The following ERG variants were observed in gnomAD, a reference collection of about 807,000 sequenced individuals.
ERG encodes transcriptional regulator ERG.
ERG carries 9 observed loss-of-function variants against 55.3 expected under a neutral mutation model. The ratio of observed to expected loss-of-function variants is 0.16; its 90% CI spans 0.10 to 0.28. The LOEUF (loss-of-function observed/expected upper bound fraction) is 0.28, where lower values mean the gene tolerates loss of function less well. ERG is among the 10% of genes least tolerant of loss of function. The probability of loss-of-function intolerance (pLI) is 1.00; values close to 1 mark genes in which losing one functional copy is unlikely to be tolerated. For synonymous variants in ERG, 223 were observed against 237.3 expected, an observed-to-expected ratio of 0.94 and a Z score of 0.55; for missense variants, 434 against 631.6, an observed-to-expected ratio of 0.69 and a Z score of 3.35.
At chr21:38,386,954 G>A (rs541510910) in intron 9 of ERG, among the ~76,000 whole-genome samples, 9 of 152,306 alleles carry the variant, frequency 5.9e-5, no homozygotes, top group Non-Finnish European at 8.8e-5. Flanking sequence ...GGGAGCGGCT[G>A]TGGCTTTTAA....
At chr21:38,596,035 A>C (rs1427270314) in intron 1 of ERG, among the ~76,000 whole-genome samples, 13 of 127,550 alleles carry the variant, frequency 1.0e-4, no homozygotes, top group Non-Finnish European at 1.5e-4. Flanking sequence ...GATCCTCTCT[A>C]TATAAAAATT....
chr21:38,403,806 TTCCACAAGCACA>T, intron 3 of ERG, 97 bp from the exon 4 acceptor site: 1 of 1,192,868 alleles, frequency 8.4e-7, no homozygotes, highest in South Asian at 1.3e-5. Context: ...ACCAGCTGCC[TTCCACAAGCACA>T]GCCTCCAGCC....
chr21:38,642,692 G>C (rs2060432680), intron 1 of ERG, among the ~76,000 whole-genome samples: 1 of 152,196 alleles, frequency 6.6e-6, no homozygotes, highest in Non-Finnish European at 1.5e-5. Context: ...CAAGGGATGA[G>C]GGGGACAAAG....
chr21:38,392,287 G>A, intron 7 of ERG, 89 bp downstream of exon 7: 1 of 1,162,270 alleles, frequency 8.6e-7, no homozygotes, highest in Non-Finnish European at 1.3e-6. Flanking sequence ...CAAAATCACA[G>A]ATTAACCACA....
chr21:38,487,343 T>C (rs999873891), intron 1 of ERG, among the ~76,000 whole-genome samples: 1 of 152,212 alleles, frequency 6.6e-6, no homozygotes, highest in African/African-American at 2.4e-5. Context: ...TTTTCTAAAC[T>C]CCTATAATAA....
chr21:38,416,116 C>T (rs1475187262), intron 3 of ERG, among the ~76,000 whole-genome samples: 1 of 152,214 alleles, frequency 6.6e-6, no homozygotes, highest in Admixed American at 6.5e-5. Flanking sequence ...ATGCAGTCCT[C>T]TAACACTCTG....
rs925306304 is a variant in ERG, at chr21:38,382,307, G to A, written c.*1096C>T. 2 of 1,055,372 alleles carry A rather than the reference G, an allele frequency of 1.9e-6. No homozygotes were observed. The highest frequency in any genetic ancestry group is 1.1e-4 in the Admixed American group (2 of 18,348). 65.4% of individuals were successfully genotyped at this position (1,055,372 alleles called of 1,614,324 possible). A position where few individuals can be genotyped will look rare whatever the true frequency, so the allele number is the denominator to read the frequency against. On this transcript the variant is annotated 3_prime_UTR_variant, in exon 10 of 10. Transcript: ENST00000288319. The stretch of plus-strand genomic sequence containing the variant: ...GTTCGCGACTCAAAGGAAAACTGGA[G>A]GCCGCCTACCCAAAATGCCTGCGTG...
intron 2 of ERG, among the ~76,000 whole-genome samples, chr21:38,565,045 A>T (rs1416615381): frequency 1.3e-5 from 2 of 152,206 alleles, no homozygotes; most frequent in East Asian, 3.9e-4. Context: ...CCTCTTGCAG[A>T]TGTCCCTTTT....
At chr21:38,506,701 T>C (rs1191837202) in intron 2 of ERG, among the ~76,000 whole-genome samples, 5 of 152,156 alleles carry the variant, frequency 3.3e-5, no homozygotes, top group African/African-American at 1.2e-4. Context: ...TATTTCCTTT[T>C]CTCGCCGCTT....
chr21:38,477,007 CTTTTTTTTT>C (rs397867221), intron 1 of ERG, among the ~76,000 whole-genome samples: 1 of 84,156 alleles, frequency 1.2e-5, no homozygotes, highest in African/African-American at 4.7e-5. Flanking sequence ...TCTTTCTTTC[CTTTTTTTTT>C]TTTTTTTTTT....
chr21:38,374,729 A>T, the ERG span, among the ~76,000 whole-genome samples: 1 of 152,262 alleles, frequency 6.6e-6, no homozygotes, highest in East Asian at 1.9e-4. Context: ...CTTTTCAGAC[A>T]TGGTCCACAG....
chr21:38,643,418 G>A (rs1479907538), intron 1 of ERG, among the ~76,000 whole-genome samples: 2 of 152,134 alleles, frequency 1.3e-5, no homozygotes, highest in Admixed American at 6.5e-5. Context: ...ACACAGGCCC[G>A]AGGCTGCAGG....
intron 1 of ERG, among the ~76,000 whole-genome samples, chr21:38,489,318 C>A (rs2059315223): frequency 6.6e-6 from 1 of 152,176 alleles, no homozygotes. Flanking sequence ...AACAGTGAGT[C>A]CATGAAAACA....
intron 1 of ERG, among the ~76,000 whole-genome samples, chr21:38,601,335 A>G (rs2060163279): frequency 6.6e-6 from 1 of 152,216 alleles, no homozygotes; most frequent in Admixed American, 6.5e-5. Flanking sequence ...AACCTAAAGA[A>G]AAGGCAGATC....
intron 1 of ERG, chr21:38,450,764 G>C (rs1431003597): frequency 8.0e-6 from 3 of 376,834 alleles, no homozygotes; most frequent in Non-Finnish European, 1.6e-5. Flanking sequence ...AAAATGAAAG[G>C]CTTATCCTAG....
chr21:38,462,770 C>G (rs1280217565), intron 1 of ERG, among the ~76,000 whole-genome samples: 2 of 152,188 alleles, frequency 1.3e-5, no homozygotes, highest in Non-Finnish European at 2.9e-5. Context: ...TAACACTGCA[C>G]ACAGTCTACT....
intron 2 of ERG, among the ~76,000 whole-genome samples, chr21:38,545,569 C>T (rs2059782859): frequency 6.6e-6 from 1 of 152,182 alleles, no homozygotes; most frequent in African/African-American, 2.4e-5. Flanking sequence ...TAATCCAAAA[C>T]ATCTCTTGAC....
intron 2 of ERG, among the ~76,000 whole-genome samples, chr21:38,546,729 G>A (rs1215029226): frequency 1.3e-5 from 2 of 152,152 alleles, no homozygotes; most frequent in Non-Finnish European, 2.9e-5. Flanking sequence ...CTCAGAACAC[G>A]CTTGTTAGAG....
chr21:38,371,419 C>T, the ERG span, among the ~76,000 whole-genome samples: 9 of 151,986 alleles, frequency 5.9e-5, no homozygotes, highest in Non-Finnish European at 1.3e-4. Flanking sequence ...AGCCTCCAAA[C>T]CTATGTTGAA....
Sources: allele counts gnomAD v4.1 joint callset (sites outside exome capture counted in the v4.1 genomes callset), GRCh38; gene constraint gnomAD v4.1.1; transcripts MANE v1.5; gene names NCBI Gene and HGNC (gene_info 2026-07-23, HGNC 2026-07-21).